The following UPP1 variants were observed in gnomAD, a reference collection of about 807,000 sequenced individuals.
The protein encoded by UPP1 is uridine phosphorylase 1.
A neutral mutation model predicts 29.6 loss-of-function variants in UPP1; 25 were observed. The observed-to-expected ratio is 0.85, with a 90% CI of 0.62 to 1.18. The LOEUF (loss-of-function observed/expected upper bound fraction) is 1.18, where lower values mean the gene tolerates loss of function less well. Among genes scored for constraint, UPP1 ranks in the 50% most tolerant of loss-of-function variants. The probability of loss-of-function intolerance (pLI) is 0.00; values close to 1 mark genes in which losing one functional copy is unlikely to be tolerated. For missense variants in UPP1, 368 were observed against 410.4 expected (o/e 0.90, Z 0.89); for synonymous variants, 165 against 159.8 (o/e 1.03, Z -0.25).
intron 2 of UPP1, among the ~76,000 whole-genome samples, chr7:48,094,403 A>G (rs1002514806): frequency 1.3e-5 from 2 of 151,970 alleles, no homozygotes; most frequent in African/African-American, 2.4e-5. Context: ...TTTAGTAGAG[A>G]TGGTGTTTCA....
chr7:48,103,542 A>G, intron 6 of UPP1, 131 bp downstream of exon 6: 1 of 926,196 alleles, frequency 1.1e-6, no homozygotes, highest in South Asian at 1.5e-5. Context: ...GAAGCTTGTT[A>G]ACAGGAGGTG....
chr7:48,089,106 G>A (rs1472166535), upstream of UPP1: 1 of 151,634 alleles, frequency 6.6e-6, no homozygotes, highest in Non-Finnish European at 1.5e-5. Context: ...GGCAGAGGAA[G>A]GTGGGGGCGG....
intron 3 of UPP1, among the ~76,000 whole-genome samples, chr7:48,095,095 T>C (rs59653377): frequency 0.038 from 5,838 of 152,260 alleles, 261 homozygotes; most frequent in African/African-American, 0.11. Flanking sequence ...CAAATCTCTG[T>C]CTAGTAGGTT....
Position 48,107,419 on chromosome 7 carries a change from T to C in UPP1, c.705T>C (p.Tyr235=). The C allele has an allele frequency of 6.2e-7, 1 of 1,614,192 alleles. No individual in the cohort carries two copies. Among genetic ancestry groups the C allele is most frequent in the Non-Finnish European group, 8.5e-7 (1 of 1,180,030 alleles). The part of the protein sequence containing the change: ...CSYTEKDKQA[Y]LEAAYAAGVR... ...ACACGGAGAAGGACAAGCAGGCGTA[T>C]CTGGAGGCAGCCTATGCAGCCGGCG... Residue 235 remains tyrosine, a synonymous_variant, in exon 8 of 9, where the codon TAT becomes TAC. Transcript: ENST00000395564.
At position 48,107,012 on chromosome 7, in the gene UPP1, G is replaced by A. The variant is rs1309918511; in HGVS notation, c.576G>A (p.Leu192=). ...LNKKLVQELL[L]CSAELSEFTT... ...AGAAGCTGGTGCAGGAGCTGTTGCT[G>A]TGTTCTGCAGAGCTGAGCGAGTTCA... The change falls in exon 7 of 9, where the codon CTG becomes CTA. Residue 192 remains leucine, a synonymous_variant. Coordinates refer to ENST00000395564, the MANE Select transcript of UPP1 (RefSeq NM_003364.4). 1 of 1,612,734 alleles carries A rather than the reference G, an allele frequency of 6.2e-7. No individual in the cohort carries two copies. Among genetic ancestry groups the A allele is most frequent in the Non-Finnish European group, 8.5e-7 (1 of 1,179,950 alleles).
Position 48,107,492 on chromosome 7 carries a change from G to T in UPP1, c.778G>T (p.Ala260Ser). The change falls in exon 8 of 9, where the codon GCC (alanine) becomes TCC (serine). Residue 260 changes from alanine to serine, a missense_variant. Ala to Ser is a moderately conservative substitution (Grantham distance 99). Transcript: ENST00000395564. ...ESSVFAAMCS[A>S]CGLQAAVVCV... Reference sequence around the variant, plus strand: ...CTCGGTGTTTGCCGCCATGTGCAGCGCCTGCGGCCTCCAAGGTAAGCGGCA... The same window carrying T: ...CTCGGTGTTTGCCGCCATGTGCAGCTCCTGCGGCCTCCAAGGTAAGCGGCA... The T allele has an allele frequency of 6.2e-7, 1 of 1,609,910 alleles. No individual in the cohort carries two copies. The highest frequency in any genetic ancestry group is 8.5e-7 in the Non-Finnish European group (1 of 1,176,914).
At position 48,092,618 on chromosome 7, in the gene UPP1, G is replaced by A. The variant is rs533610483; in HGVS notation, c.-21-2145G>A. On this transcript the variant is annotated intron_variant, in intron 2 of 8. Coordinates refer to ENST00000395564, the MANE Select transcript of UPP1 (RefSeq NM_003364.4). ...TTGGAGGCTGAGGTGGGAGGATCACGTGAGCCCAGTAATTTGAGGCGGCAG... is the reference window on the plus strand; with the variant it reads ...TTGGAGGCTGAGGTGGGAGGATCACATGAGCCCAGTAATTTGAGGCGGCAG... Among the ~76,000 whole-genome samples the A allele has an allele frequency of 6.6e-5, 10 of 152,110 alleles. No individual in the cohort carries two copies. The East Asian group carries it at 1.9e-3, about 29-fold the overall frequency.
intron 4 of UPP1, among the ~76,000 whole-genome samples, chr7:48,100,339 G>A (rs142224250): frequency 5.3e-5 from 8 of 152,260 alleles, no homozygotes; most frequent in South Asian, 2.1e-4. Context: ...CCAAAACATC[G>A]TTACATGGGG....
At chr7:48,106,834 T>C (rs1792772562) in intron 6 of UPP1, 39 bp from the exon 7 acceptor site, 4 of 1,605,058 alleles carry the variant, frequency 2.5e-6, no homozygotes, top group Non-Finnish European at 3.4e-6. Flanking sequence ...TTATTTTGTT[T>C]TACACCCTGC....
At chr7:48,089,607 A>G in intron 1 of UPP1, 189 bp downstream of exon 1, 1 of 153,532 alleles carries the variant, frequency 6.5e-6, no homozygotes, top group Non-Finnish European at 1.4e-5. Context: ...CGCGGCCGGG[A>G]GGTTCTGGGG....
At chr7:48,092,231 G>T (rs1386999901) in intron 2 of UPP1, among the ~76,000 whole-genome samples, 1 of 152,186 alleles carries the variant, frequency 6.6e-6, no homozygotes, top group African/African-American at 2.4e-5. Flanking sequence ...CACTCTTACG[G>T]GGGAATGTTC....
At chr7:48,089,802 G>A (rs1442200594) in intron 1 of UPP1, among the ~76,000 whole-genome samples, 1 of 152,138 alleles carries the variant, frequency 6.6e-6, no homozygotes, top group African/African-American at 2.4e-5. Context: ...GGTCCCGCAG[G>A]GCGCAGGCGG....
chr7:48,107,995 GA>G (rs897736437), intron 8 of UPP1, among the ~76,000 whole-genome samples: 12 of 152,184 alleles, frequency 7.9e-5, no homozygotes, highest in African/African-American at 2.9e-4. Context: ...ATAAGGGAGG[GA>G]CAGGGCAGGG....
At chr7:48,107,303 A>T in intron 7 of UPP1, 58 bp from the exon 8 acceptor site, 1 of 1,565,890 alleles carries the variant, frequency 6.4e-7, no homozygotes, top group East Asian at 2.3e-5. Flanking sequence ...AGTGGCGCTG[A>T]TGTGTTGTAG....
At chr7:48,089,988 G>A (rs922573597) in intron 1 of UPP1, among the ~76,000 whole-genome samples, 200 bp from the exon 2 acceptor site, 2 of 152,244 alleles carry the variant, frequency 1.3e-5, no homozygotes, top group African/African-American at 4.8e-5. Context: ...TGTTACGCGA[G>A]CTTTCAGAGT....
At chr7:48,100,187 G>A (rs990130188) in intron 4 of UPP1, among the ~76,000 whole-genome samples, 4 of 152,184 alleles carry the variant, frequency 2.6e-5, no homozygotes, top group African/African-American at 9.7e-5. Context: ...GCATGTGAGT[G>A]TCCTGAATAC....
chr7:48,099,511 G>A (rs1456956303), intron 3 of UPP1, among the ~76,000 whole-genome samples, 159 bp from the exon 4 acceptor site: 1 of 152,200 alleles, frequency 6.6e-6, no homozygotes, highest in Non-Finnish European at 1.5e-5. Context: ...GGGGAGGCAA[G>A]TGCGGACCTT....
At chr7:48,106,557 C>T (rs1233746412) in intron 6 of UPP1, 2 of 306,626 alleles carry the variant, frequency 6.5e-6, no homozygotes, top group Admixed American at 4.1e-5. Context: ...GTGATCTGCT[C>T]GTCTTGGCCT....
chr7:48,100,050 G>T (rs946118040), intron 4 of UPP1, among the ~76,000 whole-genome samples: 2 of 152,142 alleles, frequency 1.3e-5, no homozygotes, highest in Non-Finnish European at 1.5e-5. Flanking sequence ...CTGGAAATAC[G>T]GTCCGAGAAA....
Sources: allele counts gnomAD v4.1 joint callset (sites outside exome capture counted in the v4.1 genomes callset), GRCh38; gene constraint gnomAD v4.1.1; transcripts MANE v1.5; gene names NCBI Gene and HGNC (gene_info 2026-07-23, HGNC 2026-07-21).